CADM2: variants seen among roughly 807,000 people sequenced by gnomAD.
CADM2 encodes the protein immunoglobulin superfamily member 4D.
CADM2 carries 12 observed loss-of-function variants against 49.8 expected under a neutral mutation model. That is an observed-to-expected ratio of 0.24 (90% CI 0.15 to 0.39). The LOEUF (loss-of-function observed/expected upper bound fraction) is 0.39. Among genes scored for constraint, CADM2 ranks in the 10% least tolerant of loss-of-function variants. CADM2 has a pLI of 1.00. For synonymous variants in CADM2, 214 were observed against 175.4 expected, an observed-to-expected ratio of 1.22 and a Z score of -1.74; for missense variants, 378 against 492.3, an observed-to-expected ratio of 0.77 and a Z score of 2.20.
At chr3:85,703,576 A>G (rs141250696) in intron 1 of CADM2, among the ~76,000 whole-genome samples, 18 of 152,314 alleles carry the variant, frequency 1.2e-4, no homozygotes, top group African/African-American at 4.3e-4. Flanking sequence ...AAAAGAAAAA[A>G]AAGTCCAAGG....
At chr3:84,966,953 A>G (rs2107067008) in intron 1 of CADM2, among the ~76,000 whole-genome samples, 1 of 152,184 alleles carries the variant, frequency 6.6e-6, no homozygotes, top group Admixed American at 6.5e-5. Context: ...AAAATCTCAA[A>G]GCTAAATGTG....
intron 1 of CADM2, among the ~76,000 whole-genome samples, chr3:85,392,814 T>G (rs1200622496): frequency 6.6e-6 from 1 of 152,156 alleles, no homozygotes; most frequent in Non-Finnish European, 1.5e-5. Context: ...CATGAATTGC[T>G]GTTCAGCTAG....
intron 3 of CADM2, among the ~76,000 whole-genome samples, chr3:85,862,809 T>C (rs1179100024): frequency 6.6e-6 from 1 of 152,166 alleles, no homozygotes; most frequent in Non-Finnish European, 1.5e-5. Flanking sequence ...TGATAGGTGG[T>C]GAATTTGAAT....
chr3:85,030,186 G>A (rs534454333), intron 1 of CADM2, among the ~76,000 whole-genome samples: 5 of 151,946 alleles, frequency 3.3e-5, no homozygotes, highest in South Asian at 2.1e-4. Flanking sequence ...CTCTAGTTTC[G>A]CCTCTTGAAA....
intron 1 of CADM2, among the ~76,000 whole-genome samples, chr3:85,693,881 G>A (rs1231673044): frequency 1.2e-4 from 16 of 138,432 alleles, no homozygotes; most frequent in African/African-American, 4.0e-4. Flanking sequence ...GGGCTACAGA[G>A]CAAGACTCCC....
intron 1 of CADM2, among the ~76,000 whole-genome samples, chr3:85,502,721 A>C (rs1235079128): frequency 6.6e-6 from 1 of 152,158 alleles, no homozygotes; most frequent in Non-Finnish European, 1.5e-5. Flanking sequence ...GTACTTGATC[A>C]CTGTTTCTTC....
chr3:85,509,098 GAGTT>G (rs2040491900), intron 1 of CADM2, among the ~76,000 whole-genome samples: 1 of 152,132 alleles, frequency 6.6e-6, no homozygotes, highest in Non-Finnish European at 1.5e-5. Flanking sequence ...TGTTGAACTA[GAGTT>G]CAAGAGCTAT....
intron 1 of CADM2, among the ~76,000 whole-genome samples, chr3:85,603,729 T>C (rs2063479647): frequency 6.6e-6 from 1 of 151,914 alleles, no homozygotes; most frequent in Admixed American, 6.6e-5. Context: ...TTTCAAGCCG[T>C]ATACTTAAAT....
intron 1 of CADM2, among the ~76,000 whole-genome samples, chr3:85,580,713 T>G (rs1204808867): frequency 1.3e-5 from 2 of 152,140 alleles, no homozygotes; most frequent in Non-Finnish European, 2.9e-5. Flanking sequence ...TGATATTATT[T>G]CATTAACAAA....
In CADM2 at chr3:85,465,483, T is replaced by C. The variant is rs540867862; in HGVS notation, c.62-261039T>C. 2.0e-5 allele frequency among the ~76,000 whole-genome samples: 3 copies of C among 152,282 alleles called. No individual in the cohort carries two copies. In the East Asian group the frequency reaches 5.8e-4, roughly 29 times the overall value. ...TACAACATTTTGTTCATAAGACCTTTTCACCAACTCCAAATTTATATATAT... is the reference window on the plus strand; with the variant it reads ...TACAACATTTTGTTCATAAGACCTTCTCACCAACTCCAAATTTATATATAT... On this transcript the variant is annotated intron_variant, in intron 1 of 9. Transcript: ENST00000383699.
intron 1 of CADM2, among the ~76,000 whole-genome samples, chr3:85,241,043 G>A (rs1413668537): frequency 6.6e-6 from 1 of 151,414 alleles, no homozygotes; most frequent in Non-Finnish European, 1.5e-5. Context: ...TGACTTTTGA[G>A]CATATAGAAA....
At chr3:85,474,140 G>A (rs191060064) in intron 1 of CADM2, among the ~76,000 whole-genome samples, 1 of 151,488 alleles carries the variant, frequency 6.6e-6, no homozygotes, top group Non-Finnish European at 1.5e-5. Flanking sequence ...AGAACCAACA[G>A]GAGGTTTGTG....
intron 1 of CADM2, among the ~76,000 whole-genome samples, chr3:85,299,842 G>A (rs1042524246): frequency 6.6e-6 from 1 of 152,010 alleles, no homozygotes; most frequent in Non-Finnish European, 1.5e-5. Flanking sequence ...TTACTGTGTA[G>A]TCCCATTTTC....
chr3:85,608,817 G>C (rs1484508143), intron 1 of CADM2, among the ~76,000 whole-genome samples: 2 of 151,994 alleles, frequency 1.3e-5, no homozygotes, highest in Non-Finnish European at 2.9e-5. Context: ...TAATAATCTA[G>C]TAAACAAGAA....
At chr3:84,978,009 C>T (rs2031939444) in intron 1 of CADM2, among the ~76,000 whole-genome samples, 1 of 152,044 alleles carries the variant, frequency 6.6e-6, no homozygotes, top group Non-Finnish European at 1.5e-5. Context: ...AAAAGTTTGT[C>T]TTCTCCTTTC....
intron 1 of CADM2, among the ~76,000 whole-genome samples, chr3:85,468,237 G>A (rs6778895): frequency 0.2 from 30,290 of 148,576 alleles, 3,852 homozygotes; most frequent in East Asian, 0.31. Context: ...TCTGTTGTTT[G>A]CATGTTCTCC....
At chr3:85,328,268 G>C (rs1393220742) in intron 1 of CADM2, among the ~76,000 whole-genome samples, 4 of 152,112 alleles carry the variant, frequency 2.6e-5, no homozygotes, top group Non-Finnish European at 5.9e-5. Context: ...AACCTTAAGA[G>C]CTTTTAAACA....
At chr3:85,969,084 G>A (rs572939004) in intron 8 of CADM2, among the ~76,000 whole-genome samples, 1 of 151,424 alleles carries the variant, frequency 6.6e-6, no homozygotes, top group South Asian at 2.1e-4. Flanking sequence ...TTAGACTAGG[G>A]TCCCTTGTTC....
intron 8 of CADM2, among the ~76,000 whole-genome samples, chr3:86,040,477 G>C (rs1308937812): frequency 6.6e-6 from 1 of 152,276 alleles, no homozygotes; most frequent in East Asian, 1.9e-4. Flanking sequence ...GGAAGAAAGG[G>C]TATCAGTGAC....
Sources: gnomAD v4.1 joint callset for allele counts (sites outside exome capture counted in the v4.1 genomes callset) on GRCh38, gnomAD v4.1.1 for gene constraint, MANE v1.5 for transcripts, NCBI Gene and HGNC (gene_info 2026-07-23, HGNC 2026-07-21) for gene names.